FCGR2A: variants seen among roughly 807,000 people sequenced by gnomAD.
FCGR2A encodes the protein low affinity immunoglobulin gamma Fc region receptor II-a.
In FCGR2A, 18 loss-of-function variants were observed where a neutral mutation model predicts 29.3. The ratio of observed to expected loss-of-function variants is 0.62; its 90% confidence interval spans 0.43 to 0.91. The LOEUF (loss-of-function observed/expected upper bound fraction) is 0.91, where lower values mean the gene tolerates loss of function less well. Ranked by LOEUF, FCGR2A falls within the 40% of genes least tolerant of loss-of-function variation. The pLI is 0.00. For synonymous variants in FCGR2A, 126 were observed against 144.8 expected, an observed-to-expected ratio of 0.87 and a Z score of 0.93; for missense variants, 287 against 393.0, an observed-to-expected ratio of 0.73 and a Z score of 2.28.
At chr1:161,510,269 A>G (rs1675683645) in intron 4 of FCGR2A, 195 bp downstream of exon 4, 2 of 933,890 alleles carry the variant, frequency 2.1e-6, no homozygotes. Flanking sequence ...CTCACGTCCC[A>G]GGTAATAGGT....
At chr1:161,506,648 T>C (rs771832471) in intron 3 of FCGR2A, 57 bp downstream of exon 3, 13 of 1,606,354 alleles carry the variant, frequency 8.1e-6, no homozygotes, top group African/African-American at 2.7e-5. Flanking sequence ...ATGAAATCTG[T>C]TTACAGACAG....
intron 5 of FCGR2A, 49 bp from the exon 6 acceptor site, chr1:161,513,846 C>A (rs576577725): frequency 6.2e-7 from 1 of 1,614,130 alleles, no homozygotes; most frequent in East Asian, 2.2e-5. Context: ...CGTGGGCAGG[C>A]CCTTTTCAAC....
downstream of FCGR2A, among the ~76,000 whole-genome samples, chr1:161,520,918 C>A (rs1676429436): frequency 6.6e-6 from 1 of 151,572 alleles, no homozygotes; most frequent in South Asian, 2.1e-4. Flanking sequence ...ACTGCTTTTC[C>A]TTGCTTGCTG....
downstream of FCGR2A, among the ~76,000 whole-genome samples, chr1:161,520,430 C>T (rs1343248415): frequency 2.6e-5 from 4 of 151,818 alleles, no homozygotes; most frequent in South Asian, 2.1e-4. Flanking sequence ...GGGAAACCGT[C>T]GCCATGACCC....
chr1:161,512,121 T>G (rs1675834518), intron 5 of FCGR2A, among the ~76,000 whole-genome samples: 1 of 151,780 alleles, frequency 6.6e-6, no homozygotes, highest in Non-Finnish European at 1.5e-5. Flanking sequence ...CAGAGATACT[T>G]TGGTCTTTCT....
At chr1:161,519,837 T>C (rs1676382153), downstream of FCGR2A, 1 of 152,180 alleles carries the variant, frequency 6.6e-6, no homozygotes, top group African/African-American at 2.4e-5. Context: ...GAACACAAGT[T>C]GTCAGAAAGG....
At chr1:161,512,903 T>G (rs1675897271) in intron 5 of FCGR2A, among the ~76,000 whole-genome samples, 1 of 152,154 alleles carries the variant, frequency 6.6e-6, no homozygotes, top group Non-Finnish European at 1.5e-5. Flanking sequence ...TTATCCGTCT[T>G]GTTGTGTGGT....
At position 161,518,781 on chromosome 1, in the gene FCGR2A, GTATTTTT is replaced by G. The variant is rs1557839040; in HGVS notation, c.*642_*648del. ...GTGCCATCATACCCAGCTAATTTTT[GTATTTTT>G]TATTTTTTTTTTTTAGTAGAGACAG... On this transcript the variant is annotated 3_prime_UTR_variant, in exon 7 of 7. Transcript: ENST00000271450. The G allele has an allele frequency of 1.3e-5, 2 of 154,314 alleles. 1 individual carries two copies. The highest frequency in any genetic ancestry group is 2.9e-5 in the Non-Finnish European group (2 of 70,130). 9.6% of individuals were successfully genotyped at this position (154,314 alleles called of 1,614,324 possible). A position where few individuals can be genotyped will look rare whatever the true frequency, so the allele number is the denominator to read the frequency against.
intron 5 of FCGR2A, among the ~76,000 whole-genome samples, chr1:161,511,785 G>C (rs1474238037): frequency 1.3e-5 from 2 of 152,360 alleles, no homozygotes; most frequent in African/African-American, 4.8e-5. Context: ...GAGACCCTGA[G>C]TGCAGGGAAA....
Position 161,518,132 on chromosome 1 carries a change from T to G in FCGR2A, c.938T>G (p.Val313Gly). 6.2e-7 allele frequency: 1 copy of G among 1,613,720 alleles called. No homozygotes were observed. The change falls in exon 7 of 7, where the codon GTC becomes GGC. Residue 313 changes from valine (V) to glycine (G), a missense_variant. By Grantham distance (109) the Val-to-Gly change is moderately radical. Transcript: ENST00000271450. ...CTGACTCTTCCTCCCAACGACCATGTCAACAGTAATAACTAAAGAGTAACG... is the reference window on the plus strand; with the variant it reads ...CTGACTCTTCCTCCCAACGACCATGGCAACAGTAATAACTAAAGAGTAACG... ...IYLTLPPNDH[V>G]NSNN
downstream of FCGR2A, chr1:161,523,849 C>G (rs41297660): frequency 6.6e-6 from 1 of 152,036 alleles, no homozygotes; most frequent in East Asian, 1.9e-4. Context: ...AATGAAAGTG[C>G]ATTGGCCGGG....
intron 3 of FCGR2A, among the ~76,000 whole-genome samples, chr1:161,508,072 G>A (rs1349847297): frequency 3.7e-4 from 42 of 112,180 alleles, no homozygotes; most frequent in Non-Finnish European, 5.5e-4. Context: ...GGCAACAAGA[G>A]TGAAACTCTG....
chr1:161,512,956 C>G (rs1185897681), intron 5 of FCGR2A, among the ~76,000 whole-genome samples: 3 of 152,214 alleles, frequency 2.0e-5, no homozygotes, highest in Non-Finnish European at 4.4e-5. Flanking sequence ...GGCACTTTTG[C>G]AGCCAGGCAT....
chr1:161,521,322 G>A (rs533460097), downstream of FCGR2A, among the ~76,000 whole-genome samples: 12 of 152,126 alleles, frequency 7.9e-5, no homozygotes, highest in Admixed American at 4.6e-4. Flanking sequence ...ATAGTAAAGC[G>A]CTTAATAAAT....
At chr1:161,521,503 A>AC (rs1676448364), downstream of FCGR2A, among the ~76,000 whole-genome samples, 1 of 151,350 alleles carries the variant, frequency 6.6e-6, no homozygotes, top group South Asian at 2.1e-4. Context: ...ACTGACTTTT[A>AC]TATATATATA....
intron 1 of FCGR2A, 116 bp downstream of exon 1, chr1:161,505,668 G>C (rs1651708951): frequency 1.2e-6 from 1 of 856,410 alleles, no homozygotes; most frequent in Admixed American, 1.8e-5. Context: ...TAGATTGAAA[G>C]AGGAGAGAGG....
At chr1:161,512,901 CTTG>C (rs1408630246) in intron 5 of FCGR2A, among the ~76,000 whole-genome samples, 36 of 152,226 alleles carry the variant, frequency 2.4e-4, no homozygotes, top group Admixed American at 2.3e-3. Context: ...GATTATCCGT[CTTG>C]TTGTGTGGTT....
chr1:161,506,244 T>G, intron 2 of FCGR2A, 90 bp from the exon 3 acceptor site: 6 of 1,532,998 alleles, frequency 3.9e-6, no homozygotes, highest in Non-Finnish European at 5.4e-6. Context: ...ATAGGACTCT[T>G]GGGTGCCTGA....
chr1:161,517,918 G>C lies in FCGR2A; in HGVS notation c.781-57G>C, dbSNP rs1295246349. ...GGCTATTATTCTCCTTATAGTTATT[G>C]TATTTACCTCCCCGGTGTATTGAAT... is the stretch of plus-strand genomic sequence containing the variant. On this transcript the variant is annotated intron_variant, in intron 6 of 6. Coordinates refer to ENST00000271450, the MANE Select transcript of FCGR2A (RefSeq NM_001136219.3). 8.6e-4 allele frequency: 1,130 copies of C among 1,313,536 alleles called. 2 individuals are homozygous for C. The highest frequency in any genetic ancestry group is 1.1e-3 in the Non-Finnish European group (1,048 of 914,302). 81.4% of individuals were successfully genotyped at this position (1,313,536 alleles called of 1,614,324 possible).
Sources: gnomAD v4.1 joint callset for allele counts (sites outside exome capture counted in the v4.1 genomes callset) on GRCh38, gnomAD v4.1.1 for gene constraint, MANE v1.5 for transcripts, NCBI Gene and HGNC (gene_info 2026-07-23, HGNC 2026-07-21) for gene names.